DHCR24: variants seen among roughly 807,000 people sequenced by gnomAD.
DHCR24 encodes delta(24)-sterol reductase.
In DHCR24, 28 loss-of-function variants were observed where a neutral mutation model predicts 61.2. That is an observed-to-expected ratio of 0.46 (90% confidence interval 0.34 to 0.63). DHCR24 has a LOEUF of 0.63. Among genes scored for constraint, DHCR24 ranks in the 20% least tolerant of loss-of-function variants. DHCR24 has a pLI of 0.01. For missense variants in DHCR24, 538 were observed against 679.1 expected, an observed-to-expected ratio of 0.79 and a Z score of 2.31; for synonymous variants, 261 against 275.9, an observed-to-expected ratio of 0.95 and a Z score of 0.54.
chr1:54,883,514 G>T lies in DHCR24; in HGVS notation c.387+104C>A. ...TTCTATGACTGTGGGCATTGGTCCT[G>T]TCCACTCTGCAATGCCCTTGGCTAA... On this transcript the variant is annotated intron_variant, in intron 2 of 8. Transcript: ENST00000371269. This position sits in a 1 kb window ranked among gnomAD's most constrained non-coding sequence, Gnocchi z 4.3. 7.2e-7 allele frequency: 1 copy of T among 1,392,738 alleles called. No individual in the cohort carries two copies. Among genetic ancestry groups the T allele is most frequent in the Non-Finnish European group, 1.0e-6 (1 of 981,812 alleles). 86.3% of individuals were successfully genotyped at this position (1,392,738 alleles called of 1,614,324 possible).
intron 5 of DHCR24, among the ~76,000 whole-genome samples, chr1:54,867,557 C>T (rs1646974060): frequency 6.6e-6 from 1 of 152,094 alleles, no homozygotes; most frequent in Non-Finnish European, 1.5e-5. Flanking sequence ...AAAAGCTGGG[C>T]AAACCCCTCT....
intron 1 of DHCR24, among the ~76,000 whole-genome samples, chr1:54,884,492 A>G (rs1199523609): frequency 6.6e-6 from 1 of 152,222 alleles, no homozygotes; most frequent in East Asian, 1.9e-4. Flanking sequence ...AAGGTAAGTG[A>G]CCAGAGCACA....
chr1:54,867,392 C>T (rs1250457178), intron 5 of DHCR24, among the ~76,000 whole-genome samples: 2 of 152,198 alleles, frequency 1.3e-5, no homozygotes, highest in East Asian at 1.9e-4. Context: ...TCTGCCCCAG[C>T]CCTGTTCCCT....
intron 5 of DHCR24, among the ~76,000 whole-genome samples, chr1:54,868,538 T>TA (rs1435478894): frequency 2.0e-5 from 3 of 151,976 alleles, no homozygotes; most frequent in Non-Finnish European, 4.4e-5. Flanking sequence ...ATTAAAGTAA[T>TA]AAAAAAATTG....
chr1:54,885,093 C>T (rs1280385471), intron 1 of DHCR24, among the ~76,000 whole-genome samples: 2 of 152,202 alleles, frequency 1.3e-5, no homozygotes, highest in Non-Finnish European at 1.5e-5. Flanking sequence ...TGGTCAAATA[C>T]TGGTCAGGTC....
intron 2 of DHCR24, among the ~76,000 whole-genome samples, chr1:54,882,844 AG>A (rs747467655): frequency 9.2e-5 from 14 of 151,986 alleles, no homozygotes. Flanking sequence ...GGGGGCGGGT[AG>A]GGGAAGAGGC....
At chr1:54,859,859 T>C (rs190089904) in intron 6 of DHCR24, among the ~76,000 whole-genome samples, 1 of 152,226 alleles carries the variant, frequency 6.6e-6, no homozygotes, top group Non-Finnish European at 1.5e-5. Context: ...TTTCTGATCC[T>C]CTTTCACTAG....
intron 2 of DHCR24, among the ~76,000 whole-genome samples, chr1:54,882,044 G>A (rs1647066173): frequency 6.6e-6 from 1 of 151,736 alleles, no homozygotes; most frequent in African/African-American, 2.4e-5. Context: ...ATACCTGGGT[G>A]ATGAAATAAT....
chr1:54,852,078 C>G lies in DHCR24; in HGVS notation c.*155G>C. 5 of 864,700 alleles carry G rather than the reference C, an allele frequency of 5.8e-6. No homozygotes were observed. Among genetic ancestry groups the G allele is most frequent in the Non-Finnish European group, 8.9e-6 (5 of 561,712 alleles). 53.6% of individuals were successfully genotyped at this position (864,700 alleles called of 1,614,324 possible). On this transcript the variant is annotated 3_prime_UTR_variant, in exon 9 of 9. Transcript: ENST00000371269. The stretch of plus-strand genomic sequence containing the variant: ...TCTTTCCATTCCACTGGGCTGCCCC[C>G]TGGAAGCCAGGAGGAAGGTGGTGTT...
At chr1:54,864,474 A>G (rs1302691461) in intron 6 of DHCR24, among the ~76,000 whole-genome samples, 1 of 152,238 alleles carries the variant, frequency 6.6e-6, no homozygotes, top group Non-Finnish European at 1.5e-5. Context: ...AATATCCAGA[A>G]TAAGTAAATC....
intron 6 of DHCR24, among the ~76,000 whole-genome samples, chr1:54,859,947 G>C (rs1419565777): frequency 6.6e-6 from 1 of 152,208 alleles, no homozygotes; most frequent in Non-Finnish European, 1.5e-5. Flanking sequence ...AGGACTCATA[G>C]TGGCTTCTGC....
At chr1:54,867,005 G>A (rs1646971559) in intron 5 of DHCR24, among the ~76,000 whole-genome samples, 1 of 152,186 alleles carries the variant, frequency 6.6e-6, no homozygotes, top group South Asian at 2.1e-4. Context: ...GTGAGACTTA[G>A]GGCCACCTGG....
chr1:54,863,586 T>C (rs534792335), intron 6 of DHCR24, among the ~76,000 whole-genome samples: 43 of 152,204 alleles, frequency 2.8e-4, no homozygotes, highest in Non-Finnish European at 5.4e-4. Flanking sequence ...CTCAACAACC[T>C]AAAGATTAGA....
At chr1:54,871,024 G>A (rs1646995538) in intron 5 of DHCR24, among the ~76,000 whole-genome samples, 1 of 152,210 alleles carries the variant, frequency 6.6e-6, no homozygotes, top group Non-Finnish European at 1.5e-5. Flanking sequence ...GGGATTACAG[G>A]TGTGAGCCAC....
chr1:54,876,304 C>T (rs72673901), intron 2 of DHCR24, among the ~76,000 whole-genome samples: 2 of 152,140 alleles, frequency 1.3e-5, no homozygotes, highest in Admixed American at 1.3e-4. Context: ...TTCTAAATTA[C>T]AGGAGAAATA....
At position 54,851,912 on chromosome 1, in the gene DHCR24, C is replaced by G. The variant is rs552348668; in HGVS notation, c.*321G>C. ...AGTGCTCAACTCAGATGACAACAAC[C>G]TGCAAGTAGGTATTACTATCCCTTT... On this transcript the variant is annotated 3_prime_UTR_variant, in exon 9 of 9. Coordinates refer to ENST00000371269, the MANE Select transcript of DHCR24 (RefSeq NM_014762.4). The G allele has an allele frequency of 8.4e-5, 33 of 391,508 alleles. No individual in the cohort carries two copies. Among genetic ancestry groups the G allele is most frequent in the Middle Eastern group, 1.6e-3 (2 of 1,258 alleles). 24.3% of individuals were successfully genotyped at this position (391,508 alleles called of 1,614,324 possible). A position where few individuals can be genotyped will look rare whatever the true frequency, so the allele number is the denominator to read the frequency against.
intron 4 of DHCR24, among the ~76,000 whole-genome samples, chr1:54,873,397 T>A (rs1647009777): frequency 6.6e-6 from 1 of 152,232 alleles, no homozygotes; most frequent in Non-Finnish European, 1.5e-5. Context: ...TGTCATTGGT[T>A]TATGTATTCA....
At position 54,878,995 on chromosome 1, in the gene DHCR24, C is replaced by T. The variant is rs148975316; in HGVS notation, c.388-2948G>A. 4.3e-4 allele frequency among the ~76,000 whole-genome samples: 66 copies of T among 152,184 alleles called. 1 individual carries two copies. Among genetic ancestry groups the T allele is most frequent in the Admixed American group, 1.7e-3 (26 of 15,290 alleles). ...TTATAATAACTATATTCTCTATATT[C>T]GAAAATTTAACTAGAGACATTAAGA... On this transcript the variant is annotated intron_variant, in intron 2 of 8. Coordinates refer to ENST00000371269, the MANE Select transcript of DHCR24 (RefSeq NM_014762.4).
rs1177684292 is a variant in DHCR24, at chr1:54,883,786, G to A, written c.232-13C>T. The A allele has an allele frequency of 6.2e-7, 1 of 1,613,656 alleles. No individual in the cohort carries two copies. Among genetic ancestry groups the A allele is most frequent in the African/African-American group, 1.3e-5 (1 of 74,934 alleles). On this transcript the variant is annotated splice_polypyrimidine_tract_variant and intron_variant, in intron 1 of 8. Transcript: ENST00000371269. The surrounding 1 kb of genome is among the most constrained non-coding windows in gnomAD (Gnocchi z 4.3). ...TCCATTCCCGCACCTGCAACCACAG[G>A]ACAGAGGGTGAGCTGGCCCCACTGG...
Sources: gnomAD v4.1 joint callset for allele counts (sites outside exome capture counted in the v4.1 genomes callset) on GRCh38, gnomAD v4.1.1 for gene constraint, Gnocchi (gnomAD v3.1) non-coding constraint, MANE v1.5 for transcripts, NCBI Gene and HGNC (gene_info 2026-07-23, HGNC 2026-07-21) for gene names.